The following PFKFB2 variants were observed in gnomAD, a reference collection of about 807,000 sequenced individuals.
The protein encoded by PFKFB2 is 6-phosphofructo-2-kinase/fructose-2,6-bisphosphatase 2.
In PFKFB2, 53 loss-of-function variants were observed where a neutral mutation model predicts 68.0. That is an observed-to-expected ratio of 0.78 (90% confidence interval 0.63 to 0.98). The LOEUF (loss-of-function observed/expected upper bound fraction) is 0.98. PFKFB2 is among the 50% of genes least tolerant of loss of function. PFKFB2 has a pLI of 0.00. For synonymous variants in PFKFB2, 222 were observed against 227.6 expected, an observed-to-expected ratio of 0.98 and a Z score of 0.22; for missense variants, 451 against 642.0, an observed-to-expected ratio of 0.70 and a Z score of 3.22.
At position 207,063,901 on chromosome 1, in the gene PFKFB2, G is replaced by GTA; in HGVS notation, c.507+73_507+74insAT. On this transcript the variant is annotated intron_variant, in intron 7 of 14. Transcript: ENST00000367080. The surrounding 1 kb of genome is among the most constrained non-coding windows in gnomAD (Gnocchi z 4.1). ...TGTGTGTTGTGGGGTGTGTGTGTGT[G>GTA]TGTGTGTGTGTGTGTTGTTGGGGAG... The GTA allele has an allele frequency of 9.8e-7, 1 of 1,024,788 alleles. No homozygotes were observed. Among genetic ancestry groups the GTA allele is most frequent in the Non-Finnish European group, 1.5e-6 (1 of 647,982 alleles). 63.5% of individuals were successfully genotyped at this position (1,024,788 alleles called of 1,614,324 possible).
chr1:207,069,598 A>G (rs1683406650), intron 11 of PFKFB2, 70 bp downstream of exon 11: 2 of 1,018,602 alleles, frequency 2.0e-6, no homozygotes, highest in South Asian at 1.3e-5. Flanking sequence ...ATTTGGGGGA[A>G]GGATTGAATG....
At chr1:207,048,767 G>C, upstream of PFKFB2, 1 of 444,820 alleles carries the variant, frequency 2.2e-6, no homozygotes, top group Admixed American at 4.0e-5. Context: ...TCAGTAGGTG[G>C]CAAGGATCAC....
chr1:207,050,906 C>G (rs776571331), upstream of PFKFB2: 2 of 1,605,026 alleles, frequency 1.2e-6, no homozygotes, highest in African/African-American at 2.7e-5. Context: ...CGTGTCGGTC[C>G]GGCTGCCCAC....
At chr1:207,049,758 A>G (rs1209249753), upstream of PFKFB2, 2 of 1,563,228 alleles carry the variant, frequency 1.3e-6, no homozygotes, top group East Asian at 4.5e-5. Context: ...ATCTGCAAAG[A>G]AATTACAGAA....
chr1:207,054,210 T>C (rs1031668427), intron 1 of PFKFB2, among the ~76,000 whole-genome samples: 2 of 151,990 alleles, frequency 1.3e-5, no homozygotes, highest in African/African-American at 2.4e-5. Flanking sequence ...CCTCACTGTT[T>C]GCAAAACTGA....
At chr1:207,066,898 C>T (rs1683304881) in intron 8 of PFKFB2, among the ~76,000 whole-genome samples, 1 of 152,162 alleles carries the variant, frequency 6.6e-6, no homozygotes, top group Non-Finnish European at 1.5e-5. Context: ...CTGATCTACC[C>T]ACCTTGGCCT....
chr1:207,051,142 C>G, upstream of PFKFB2: 2 of 1,422,278 alleles, frequency 1.4e-6, no homozygotes, highest in East Asian at 5.2e-5. Context: ...TTCCCCCACC[C>G]TCAGAACGAA....
upstream of PFKFB2, chr1:207,048,783 C>T: frequency 2.1e-6 from 1 of 477,578 alleles, no homozygotes; most frequent in Non-Finnish European, 3.7e-6. Flanking sequence ...ATCACCTATT[C>T]TGTCACTCCA....
In PFKFB2 at chr1:207,065,024, C is replaced by T; in HGVS notation, c.508-12C>T. On this transcript the variant is annotated splice_polypyrimidine_tract_variant and intron_variant, in intron 7 of 14. Coordinates refer to ENST00000367080, the MANE Select transcript of PFKFB2 (RefSeq NM_006212.2). ...CCTCTGATGAGGCCTTTACTGGTTC[C>T]TATGATTTCAGGAGGTTAAGGTATC... The T allele has an allele frequency of 6.2e-7, 1 of 1,613,274 alleles. No homozygotes were observed.
Position 207,076,764 on chromosome 1 carries a change from C to CTG in PFKFB2, c.*4395_*4396dup, listed in dbSNP as rs1350857479. 2 of 966,630 alleles carry CTG rather than the reference C, an allele frequency of 2.1e-6. No homozygotes were observed. Among genetic ancestry groups the CTG allele is most frequent in the Non-Finnish European group, 2.4e-6 (2 of 821,750 alleles). 59.9% of individuals were successfully genotyped at this position (966,630 alleles called of 1,614,324 possible). A position where few individuals can be genotyped will look rare whatever the true frequency, so the allele number is the denominator to read the frequency against. ...GTAGGATCTGTTTGTCACTGACAGA[C>CTG]TGTAGTAGTGTCTGTGTGCTGACTG... On this transcript the variant is annotated 3_prime_UTR_variant, in exon 15 of 15. Coordinates refer to ENST00000367080, the MANE Select transcript of PFKFB2 (RefSeq NM_006212.2).
chr1:207,051,161 C>T (rs1042146570), upstream of PFKFB2: 18 of 1,414,180 alleles, frequency 1.3e-5, no homozygotes, highest in Admixed American at 2.7e-4. Context: ...AAGATGTAAA[C>T]CTCCGTATTC....
chr1:207,060,962 A>ATATATATCTATATATCTATATATATC (rs547966740), intron 2 of PFKFB2: 2 of 140,310 alleles, frequency 1.4e-5, no homozygotes, highest in African/African-American at 5.6e-5. Context: ...TAAGTTAAAT[A>ATATATATCTATATATCTATATATATC]TATATATCTA....
rs535193709 is a variant in PFKFB2 at position 207,039,229 on chromosome 1, A to G, written c.-61-2940A>G. Reference sequence around the variant, plus strand: ...TTGATCAATGTACTCCATAATATTAACACTCTAGGAGAGGTAATTCAATCC... The same window carrying G: ...TTGATCAATGTACTCCATAATATTAGCACTCTAGGAGAGGTAATTCAATCC... On this transcript the variant is annotated intron_variant, in intron 1 of 5. Coordinates refer to the PFKFB2 transcript ENST00000545806. Among the ~76,000 whole-genome samples the G allele has an allele frequency of 7.2e-5, 11 of 152,348 alleles. 1 individual carries two copies. In the South Asian group the frequency reaches 1.9e-3, roughly 26 times the overall value.
intron 1 of PFKFB2, among the ~76,000 whole-genome samples, chr1:207,038,013 T>C (rs1682410787): frequency 6.6e-6 from 1 of 152,176 alleles, no homozygotes; most frequent in Non-Finnish European, 1.5e-5. Flanking sequence ...TGTAGTAGCC[T>C]CCTCCTCACT....
At position 207,039,642 on chromosome 1, in the gene PFKFB2, TA is replaced by T. The variant is rs201813927; in HGVS notation, c.-61-2518del. On this transcript the variant is annotated intron_variant, in intron 1 of 5. Coordinates refer to the PFKFB2 transcript ENST00000545806. Reference sequence around the variant, plus strand: ...CTGATATTTCCAAGATTACATGTTTTAAAAAAAAACCCCACGCTTTTATGGT... The same window carrying T: ...CTGATATTTCCAAGATTACATGTTTTAAAAAAAACCCCACGCTTTTATGGT... Among the ~76,000 whole-genome samples, 24 of 151,850 alleles carry T rather than the reference TA, an allele frequency of 1.6e-4. No individual in the cohort carries two copies. The South Asian group carries it at 4.2e-3, about 26-fold the overall frequency.
chr1:207,056,586 G>A (rs756195610), intron 2 of PFKFB2, among the ~76,000 whole-genome samples: 10 of 151,732 alleles, frequency 6.6e-5, no homozygotes, highest in Non-Finnish European at 1.2e-4. Context: ...TGCCTTGAGG[G>A]CTTTCAAGTC....
At chr1:207,064,887 C>T (rs1291089229) in intron 7 of PFKFB2, 149 bp from the exon 8 acceptor site, 18 of 778,118 alleles carry the variant, frequency 2.3e-5, no homozygotes, top group East Asian at 2.1e-4. Flanking sequence ...CGGGGCGGGG[C>T]GGGGGGTACT....
rs142279758 is a variant in PFKFB2 at position 207,075,727 on chromosome 1, T to G, written c.*3356T>G. On this transcript the variant is annotated 3_prime_UTR_variant, in exon 15 of 15. Transcript: ENST00000367080. Reference sequence around the variant, plus strand: ...TCACTTGAGACCAGCCTGGGCAATATAGTGAGACCTCACCTCTAAAAAAGT... The same window carrying G: ...TCACTTGAGACCAGCCTGGGCAATAGAGTGAGACCTCACCTCTAAAAAAGT... 170 of 971,760 alleles carry G rather than the reference T, an allele frequency of 1.7e-4. No individual in the cohort carries two copies. The African/African-American group carries it at 2.6e-3, about 15-fold the overall frequency. The allele number at this position is 971,760 out of a possible 1,614,324, so 60.2% of individuals were successfully genotyped here.
chr1:207,071,883 G>A (rs1241003115), intron 14 of PFKFB2, among the ~76,000 whole-genome samples: 1 of 152,186 alleles, frequency 6.6e-6, no homozygotes, highest in African/African-American at 2.4e-5. Flanking sequence ...AGAAAGCAGA[G>A]TCCAGAGGAG....
Sources: gnomAD v4.1 joint callset for allele counts (sites outside exome capture counted in the v4.1 genomes callset) on GRCh38, gnomAD v4.1.1 for gene constraint, Gnocchi (gnomAD v3.1) non-coding constraint, MANE v1.5 for transcripts, NCBI Gene and HGNC (gene_info 2026-07-23, HGNC 2026-07-21) for gene names.